The following TIAM1 variants were observed in gnomAD, a reference collection of about 807,000 sequenced individuals.
TIAM1 encodes the protein rho guanine nucleotide exchange factor TIAM1.
TIAM1 carries 65 observed loss-of-function variants against 163.5 expected under a neutral mutation model. That is an observed-to-expected ratio of 0.40 (90% confidence interval 0.33 to 0.49). TIAM1 has a LOEUF of 0.49. TIAM1 is among the 20% of genes least tolerant of loss of function. The pLI is 0.77. For synonymous variants in TIAM1, 833 were observed against 810.1 expected, an observed-to-expected ratio of 1.03 and a Z score of -0.48; for missense variants, 1,789 against 2,044.7, an observed-to-expected ratio of 0.87 and a Z score of 2.41.
At chr21:31,399,513 G>A (rs2077129139) in intron 2 of TIAM1, among the ~76,000 whole-genome samples, 1 of 152,126 alleles carries the variant, frequency 6.6e-6, no homozygotes, top group Non-Finnish European at 1.5e-5. Context: ...ACTGTGGGGG[G>A]AAATACCTTC....
At chr21:31,191,209 G>A (rs759688230) in intron 13 of TIAM1, among the ~76,000 whole-genome samples, 1 of 151,784 alleles carries the variant, frequency 6.6e-6, no homozygotes, top group East Asian at 1.9e-4. Flanking sequence ...GTCACCAGGC[G>A]GGAGTGCAGT....
rs1308990468 is a variant in TIAM1 at position 31,387,206 on chromosome 21, T to C, written c.-368-47784A>G. 5.3e-4 allele frequency among the ~76,000 whole-genome samples: 75 copies of C among 141,840 alleles called. 2 individuals are homozygous for C. The highest frequency in any genetic ancestry group is 2.3e-3 in the Admixed American group (33 of 14,280). 93.1% of individuals were successfully genotyped at this position (141,840 alleles called of 152,430 possible). A position where few individuals can be genotyped will look rare whatever the true frequency, so the allele number is the denominator to read the frequency against. Reference sequence around the variant, plus strand: ...TAGAAGCTTATTCTCTTTTTTTTTTTTTTTTTTTTTTTTTGGAGGTGGGGG... The same window carrying C: ...TAGAAGCTTATTCTCTTTTTTTTTTCTTTTTTTTTTTTTTGGAGGTGGGGG... On this transcript the variant is annotated intron_variant, in intron 2 of 28. Coordinates refer to the TIAM1 transcript ENST00000286827.
intron 3 of TIAM1, among the ~76,000 whole-genome samples, chr21:31,271,804 T>G (rs1467165240): frequency 6.6e-6 from 1 of 151,998 alleles, no homozygotes; most frequent in Non-Finnish European, 1.5e-5. Flanking sequence ...TGGTATGGGG[T>G]CAAAGCATCA....
At chr21:31,526,986 G>C (rs1261934196) in intron 1 of TIAM1, among the ~76,000 whole-genome samples, 4 of 152,138 alleles carry the variant, frequency 2.6e-5, no homozygotes, top group African/African-American at 9.7e-5. Context: ...ACAGGCGTGA[G>C]CCACCACGCC....
chr21:31,242,776 C>A (rs1177422281), intron 6 of TIAM1, among the ~76,000 whole-genome samples: 1 of 133,570 alleles, frequency 7.5e-6, no homozygotes, highest in African/African-American at 2.8e-5. Flanking sequence ...TTCTAGTAGT[C>A]AATAGAACCT....
At chr21:31,449,431 TAC>T (rs554480080) in intron 2 of TIAM1, among the ~76,000 whole-genome samples, 71 of 152,200 alleles carry the variant, frequency 4.7e-4, no homozygotes, top group African/African-American at 1.6e-3. Flanking sequence ...CAGGCTGGAG[TAC>T]AGTGGCACAA....
At chr21:31,505,779 C>T (rs144984718) in intron 1 of TIAM1, among the ~76,000 whole-genome samples, 9,319 of 151,956 alleles carry the variant, frequency 0.061, 734 homozygotes, top group African/African-American at 0.18. Flanking sequence ...CTGAAGCGGG[C>T]GGATCACCTG....
At chr21:31,431,857 G>A (rs1444007069) in intron 2 of TIAM1, among the ~76,000 whole-genome samples, 4 of 152,154 alleles carry the variant, frequency 2.6e-5, no homozygotes, top group Non-Finnish European at 5.9e-5. Context: ...CGTCATATAT[G>A]CAATCTTATG....
At chr21:31,229,541 T>C (rs186882905) in intron 6 of TIAM1, among the ~76,000 whole-genome samples, 6 of 152,258 alleles carry the variant, frequency 3.9e-5, no homozygotes, top group East Asian at 3.9e-4. Context: ...AAGTGCCTGG[T>C]AGTACCTGAT....
At chr21:31,334,371 A>G (rs1040314024) in intron 2 of TIAM1, among the ~76,000 whole-genome samples, 4 of 151,924 alleles carry the variant, frequency 2.6e-5, no homozygotes, top group Non-Finnish European at 4.4e-5. Flanking sequence ...TGCAGCCTCA[A>G]AGTCCTTGGC....
chr21:31,498,189 GGAAA>G (rs2046729243), intron 1 of TIAM1, among the ~76,000 whole-genome samples: 2 of 152,150 alleles, frequency 1.3e-5, no homozygotes, highest in South Asian at 2.1e-4. Flanking sequence ...TGTCACTGAA[GGAAA>G]GAGATTCTTG....
chr21:31,384,304 A>G (rs930270388), intron 2 of TIAM1, among the ~76,000 whole-genome samples: 3 of 151,526 alleles, frequency 2.0e-5, no homozygotes, highest in African/African-American at 7.3e-5. Flanking sequence ...AAGATACCCA[A>G]ATTAAAAATG....
chr21:31,127,955 C>A (rs2082272863), intron 25 of TIAM1, among the ~76,000 whole-genome samples: 1 of 152,152 alleles, frequency 6.6e-6, no homozygotes, highest in Non-Finnish European at 1.5e-5. Context: ...CCCCTGGAGT[C>A]TGCTTTGAAC....
At chr21:31,216,220 G>C (rs371676220) in intron 9 of TIAM1, among the ~76,000 whole-genome samples, 1 of 152,088 alleles carries the variant, frequency 6.6e-6, no homozygotes, top group East Asian at 1.9e-4. Flanking sequence ...AGTCAGCTAA[G>C]GGACTCAGGG....
At chr21:31,540,322 T>C (rs1601030623) in intron 1 of TIAM1, among the ~76,000 whole-genome samples, 1 of 150,576 alleles carries the variant, frequency 6.6e-6, no homozygotes. Context: ...GAGAAGGAGG[T>C]TGCAGTGAGC....
chr21:31,155,787 C>G (rs571355335), intron 16 of TIAM1, among the ~76,000 whole-genome samples: 44 of 152,324 alleles, frequency 2.9e-4, no homozygotes, highest in African/African-American at 1.0e-3. Context: ...AGGCGTGAGC[C>G]ACCGCGCCCG....
chr21:31,292,611 C>T (rs1029141772), intron 2 of TIAM1, among the ~76,000 whole-genome samples: 11 of 151,386 alleles, frequency 7.3e-5, no homozygotes, highest in Non-Finnish European at 1.3e-4. Context: ...CTCAAGTGAT[C>T]CACCCGCCTC....
intron 14 of TIAM1, among the ~76,000 whole-genome samples, chr21:31,183,963 T>G (rs2085159375): frequency 6.6e-6 from 1 of 151,742 alleles, no homozygotes; most frequent in East Asian, 1.9e-4. Flanking sequence ...TATTTATTTT[T>G]TCTGAGACGA....
At chr21:31,220,908 G>A (rs986386726) in intron 8 of TIAM1, among the ~76,000 whole-genome samples, 4 of 152,118 alleles carry the variant, frequency 2.6e-5, no homozygotes, top group African/African-American at 4.8e-5. Flanking sequence ...AGAGTACAGC[G>A]AGGACCCTTC....
Sources: gnomAD v4.1 joint callset for allele counts (sites outside exome capture counted in the v4.1 genomes callset) on GRCh38, gnomAD v4.1.1 for gene constraint, MANE v1.5 for transcripts, NCBI Gene and HGNC (gene_info 2026-07-23, HGNC 2026-07-21) for gene names.